PXDNL: variants seen among roughly 807,000 people sequenced by gnomAD.
PXDNL encodes peroxidasin like.
A neutral mutation model predicts 150.8 loss-of-function variants in PXDNL; 145 were observed. The ratio of observed to expected loss-of-function variants is 0.96; its 90% CI spans 0.84 to 1.10. The LOEUF (loss-of-function observed/expected upper bound fraction) is 1.10, where lower values mean the gene tolerates loss of function less well. Ranked by LOEUF, PXDNL falls within the 50% of genes least tolerant of loss-of-function variation. The pLI is 0.00. For missense variants in PXDNL, 2,087 were observed against 1,873.9 expected (o/e 1.11, Z -2.10); for synonymous variants, 757 against 725.7 (o/e 1.04, Z -0.69).
At chr8:51,544,508 G>T (rs567521854) in intron 4 of PXDNL, among the ~76,000 whole-genome samples, 1 of 152,124 alleles carries the variant, frequency 6.6e-6, no homozygotes, top group Non-Finnish European at 1.5e-5. Context: ...ACATTGTTGT[G>T]TTTACCAAAT....
chr8:51,786,671 A>G (rs1277172576), intron 1 of PXDNL, among the ~76,000 whole-genome samples: 1 of 152,188 alleles, frequency 6.6e-6, no homozygotes, highest in Non-Finnish European at 1.5e-5. Flanking sequence ...AGGCATCTCC[A>G]TAACATAAAA....
chr8:51,735,615 C>T (rs1489919701), intron 1 of PXDNL, among the ~76,000 whole-genome samples: 6 of 123,878 alleles, frequency 4.8e-5, no homozygotes, highest in Non-Finnish European at 8.1e-5. Flanking sequence ...GGCGGGATCT[C>T]GGCTCACTGC....
intron 4 of PXDNL, among the ~76,000 whole-genome samples, chr8:51,519,520 G>A (rs545869745): frequency 1.3e-5 from 2 of 151,730 alleles, no homozygotes; most frequent in Admixed American, 6.6e-5. Flanking sequence ...GCAACAGAGT[G>A]AGACACCATC....
At chr8:51,637,796 A>C (rs1814639363) in intron 2 of PXDNL, among the ~76,000 whole-genome samples, 1 of 152,228 alleles carries the variant, frequency 6.6e-6, no homozygotes, top group South Asian at 2.1e-4. Context: ...TATCCAGGAG[A>C]ACTTCCCCAA....
In PXDNL at chr8:51,743,963, G is replaced by C. The variant is rs56044286; in HGVS notation, c.164+65218C>G. ...AGGAGAGAAAGAGAGAAAGAAAAAAGAGAGAGAAAAAAGAAAGGAAGGAAG... is the reference window on the plus strand; with the variant it reads ...AGGAGAGAAAGAGAGAAAGAAAAAACAGAGAGAAAAAAGAAAGGAAGGAAG... On this transcript the variant is annotated intron_variant, in intron 1 of 22. Transcript: ENST00000356297. 8.8e-4 allele frequency among the ~76,000 whole-genome samples: 4 copies of C among 4,544 alleles called. 1 individual carries two copies. Among genetic ancestry groups the C allele is most frequent in the African/African-American group, 2.7e-3 (4 of 1,460 alleles). 3.0% of individuals were successfully genotyped at this position (4,544 alleles called of 152,430 possible).
chr8:51,498,335 A>G (rs199858539), intron 5 of PXDNL, among the ~76,000 whole-genome samples: 1 of 151,634 alleles, frequency 6.6e-6, no homozygotes, highest in Non-Finnish European at 1.5e-5. Flanking sequence ...AATGTTAAAT[A>G]ATGACTTAAT....
chr8:51,499,656 A>G (rs1811141208), intron 5 of PXDNL, 43 bp downstream of exon 5: 1 of 1,473,770 alleles, frequency 6.8e-7, no homozygotes, highest in East Asian at 2.3e-5. Flanking sequence ...TAAATGGAAA[A>G]TGTAAAGCAG....
At chr8:51,684,713 G>A (rs1815835757) in intron 1 of PXDNL, among the ~76,000 whole-genome samples, 1 of 152,186 alleles carries the variant, frequency 6.6e-6, no homozygotes, top group African/African-American at 2.4e-5. Context: ...GTCAGTGATT[G>A]GAAGCAACAG....
chr8:51,613,994 A>T (rs967474116), intron 2 of PXDNL, among the ~76,000 whole-genome samples: 1 of 152,210 alleles, frequency 6.6e-6, no homozygotes, highest in African/African-American at 2.4e-5. Flanking sequence ...GCAGGAAGTG[A>T]TTCTGCACTG....
Position 51,534,801 on chromosome 8 carries a change from G to A in PXDNL, c.380+22039C>T, listed in dbSNP as rs866385226. Among the ~76,000 whole-genome samples, 9 of 90,254 alleles carry A rather than the reference G, an allele frequency of 1.0e-4. No homozygotes were observed. In the East Asian group the frequency reaches 2.3e-3, roughly 23 times the overall value. The allele number at this position is 90,254 out of a possible 152,430, so 59.2% of individuals were successfully genotyped here. On this transcript the variant is annotated intron_variant, in intron 4 of 22. Coordinates refer to ENST00000356297, the MANE Select transcript of PXDNL (RefSeq NM_144651.5). ...CCCCGTCCGGGAGGGAGGTGGGGGG[G>A]TCAGCCCCCCGCCCGGCCAGCCGCC... is the stretch of plus-strand genomic sequence containing the variant.
intron 3 of PXDNL, among the ~76,000 whole-genome samples, chr8:51,568,453 T>G (rs571971572): frequency 6.6e-6 from 1 of 152,042 alleles, no homozygotes; most frequent in East Asian, 1.9e-4. Flanking sequence ...GCTTACATGT[T>G]TTCTGAGAAG....
chr8:51,677,587 A>C (rs771721747), intron 1 of PXDNL, among the ~76,000 whole-genome samples: 4 of 152,194 alleles, frequency 2.6e-5, no homozygotes, highest in South Asian at 2.1e-4. Flanking sequence ...TGTATTAATT[A>C]ATGGACTTAG....
chr8:51,411,167 T>C, intron 16 of PXDNL, 83 bp downstream of exon 16: 1 of 1,150,906 alleles, frequency 8.7e-7, no homozygotes. Context: ...TTCTGGAGAT[T>C]AAAAGTTCAG....
intron 5 of PXDNL, among the ~76,000 whole-genome samples, chr8:51,491,987 T>C (rs1810906441): frequency 6.6e-6 from 1 of 151,966 alleles, no homozygotes; most frequent in Non-Finnish European, 1.5e-5. Flanking sequence ...ATATTCATGA[T>C]CACATGTCTC....
chr8:51,580,503 A>T (rs144247343), intron 3 of PXDNL, among the ~76,000 whole-genome samples: 1 of 152,288 alleles, frequency 6.6e-6, no homozygotes, highest in African/African-American at 2.4e-5. Context: ...AACTACTAAG[A>T]TTAATTTAAT....
intron 1 of PXDNL, among the ~76,000 whole-genome samples, chr8:51,753,677 G>T (rs2037069742): frequency 6.6e-6 from 1 of 152,190 alleles, no homozygotes; most frequent in Non-Finnish European, 1.5e-5. Context: ...AGGTCATATT[G>T]GGAATACTCC....
intron 6 of PXDNL, 143 bp from the exon 7 acceptor site, chr8:51,475,284 G>T (rs1810447445): frequency 2.7e-6 from 2 of 750,424 alleles, no homozygotes. Context: ...CCAATAAACA[G>T]ATTTTAAGAA....
intron 2 of PXDNL, among the ~76,000 whole-genome samples, chr8:51,619,945 C>T (rs1267718292): frequency 6.6e-6 from 1 of 152,004 alleles, no homozygotes; most frequent in East Asian, 1.9e-4. Context: ...TATTTGGAGG[C>T]CTTCATTTTG....
At chr8:51,453,818 G>C in intron 9 of PXDNL, 33 bp from the exon 10 acceptor site, 1 of 1,604,068 alleles carries the variant, frequency 6.2e-7, no homozygotes, top group Non-Finnish European at 8.5e-7. Flanking sequence ...ACGAAATCCA[G>C]CAAGTAGCAG....
Sources: gnomAD v4.1 joint callset for allele counts (sites outside exome capture counted in the v4.1 genomes callset) on GRCh38, gnomAD v4.1.1 for gene constraint, MANE v1.5 for transcripts, NCBI Gene and HGNC (gene_info 2026-07-23, HGNC 2026-07-21) for gene names.